The following ADGRL3 variants were observed in gnomAD, a reference collection of about 807,000 sequenced individuals.
ADGRL3 encodes the protein adhesion G protein-coupled receptor L3.
In ADGRL3, 62 loss-of-function variants were observed where a neutral mutation model predicts 153.5. That is an observed-to-expected ratio of 0.40 (90% CI 0.33 to 0.50). The LOEUF is 0.50. Among genes scored for constraint, ADGRL3 ranks in the 20% least tolerant of loss-of-function variants. ADGRL3 has a pLI of 0.47. For synonymous variants in ADGRL3, 710 were observed against 672.5 expected, an observed-to-expected ratio of 1.06 and a Z score of -0.86; for missense variants, 1,641 against 1,859.4, an observed-to-expected ratio of 0.88 and a Z score of 2.16.
chr4:61,273,492 C>A (rs2093306055), intron 1 of ADGRL3, among the ~76,000 whole-genome samples: 1 of 152,282 alleles, frequency 6.6e-6, no homozygotes, highest in Admixed American at 6.5e-5. Context: ...GAAAAATATG[C>A]TTGCATGGAA....
intron 8 of ADGRL3, among the ~76,000 whole-genome samples, chr4:61,734,804 C>T (rs1045846545): frequency 4.6e-5 from 7 of 152,110 alleles, no homozygotes; most frequent in African/African-American, 1.4e-4. Context: ...TTATTTTTGC[C>T]GTTCAGCTGT....
intron 13 of ADGRL3, among the ~76,000 whole-genome samples, chr4:61,934,154 T>G (rs2098828870): frequency 6.6e-6 from 1 of 152,196 alleles, no homozygotes; most frequent in Non-Finnish European, 1.5e-5. Context: ...GTGTACCTAC[T>G]GCTGATTTTT....
chr4:61,492,863 A>G (rs1355824430), intron 2 of ADGRL3, among the ~76,000 whole-genome samples: 1 of 152,150 alleles, frequency 6.6e-6, no homozygotes, highest in Non-Finnish European at 1.5e-5. Flanking sequence ...ACTCATGTCA[A>G]ATAACACAAC....
At chr4:61,898,314 C>A (rs2098643368) in intron 11 of ADGRL3, among the ~76,000 whole-genome samples, 2 of 152,074 alleles carry the variant, frequency 1.3e-5, no homozygotes, top group Admixed American at 6.5e-5. Context: ...GCATTGTTGT[C>A]TAAGGTAAAT....
intron 8 of ADGRL3, among the ~76,000 whole-genome samples, chr4:61,807,578 G>A (rs188665581): frequency 1.3e-5 from 2 of 152,110 alleles, no homozygotes; most frequent in East Asian, 3.9e-4. Flanking sequence ...TCAACACTGG[G>A]ACCAAGTGAT....
intron 2 of ADGRL3, among the ~76,000 whole-genome samples, chr4:61,388,200 G>A (rs1269188399): frequency 6.6e-6 from 1 of 152,136 alleles, no homozygotes; most frequent in East Asian, 1.9e-4. Flanking sequence ...CCTTGGGCAT[G>A]GTATCTATCC....
chr4:61,353,779 A>G (rs1255999149), intron 1 of ADGRL3, among the ~76,000 whole-genome samples: 3 of 146,130 alleles, frequency 2.1e-5, no homozygotes, highest in Non-Finnish European at 4.5e-5. Context: ...GCTTCTACTC[A>G]CCCCGAAATA....
chr4:61,868,107 GAT>G (rs528244197), intron 9 of ADGRL3, among the ~76,000 whole-genome samples: 1 of 151,982 alleles, frequency 6.6e-6, no homozygotes, highest in Non-Finnish European at 1.5e-5. Context: ...TTCTTGTGGA[GAT>G]ATATATATGT....
intron 1 of ADGRL3, among the ~76,000 whole-genome samples, chr4:61,253,076 G>A (rs576892061): frequency 1.6e-4 from 25 of 152,240 alleles, no homozygotes; most frequent in African/African-American, 6.0e-4. Context: ...CAGGAATCTG[G>A]CTGCTTTCTG....
At chr4:61,398,366 A>G (rs979644028) in intron 2 of ADGRL3, among the ~76,000 whole-genome samples, 1 of 151,760 alleles carries the variant, frequency 6.6e-6, no homozygotes, top group African/African-American at 2.4e-5. Flanking sequence ...AAATGTATTG[A>G]CAATAAATGA....
chr4:62,059,082 T>C (rs1306682285), intron 25 of ADGRL3, among the ~76,000 whole-genome samples: 1 of 152,206 alleles, frequency 6.6e-6, no homozygotes, highest in African/African-American at 2.4e-5. Flanking sequence ...ACCTAGTGAA[T>C]GTGGACTGTA....
intron 3 of ADGRL3, among the ~76,000 whole-genome samples, chr4:61,501,784 T>C (rs2098389646): frequency 6.6e-6 from 1 of 152,234 alleles, no homozygotes. Context: ...AATAGTCTGG[T>C]CCATGTTTTG....
At chr4:62,002,714 C>A (rs2099144712) in intron 21 of ADGRL3, among the ~76,000 whole-genome samples, 1 of 152,060 alleles carries the variant, frequency 6.6e-6, no homozygotes, top group Non-Finnish European at 1.5e-5. Context: ...GTCTCTGTTT[C>A]ATCCAAATAG....
At chr4:61,830,587 G>T (rs1216127757) in intron 9 of ADGRL3, among the ~76,000 whole-genome samples, 1 of 152,094 alleles carries the variant, frequency 6.6e-6, no homozygotes, top group Non-Finnish European at 1.5e-5. Context: ...TTCTAATGAG[G>T]ACCTTAGAAC....
intron 4 of ADGRL3, among the ~76,000 whole-genome samples, chr4:61,576,289 A>G (rs1474615531): frequency 6.6e-6 from 1 of 151,944 alleles, no homozygotes; most frequent in Non-Finnish European, 1.5e-5. Flanking sequence ...AGTGTCCAGC[A>G]TTATCCAGCA....
intron 8 of ADGRL3, among the ~76,000 whole-genome samples, chr4:61,768,552 T>G (rs1286016502): frequency 6.6e-6 from 1 of 152,064 alleles, no homozygotes; most frequent in Admixed American, 6.5e-5. Flanking sequence ...AAGAATTATT[T>G]AGATCTTGTA....
Position 62,070,563 on chromosome 4 carries a change from T to TGA in ADGRL3, c.4291_4292dup (p.Ser1431ArgfsTer7). ...GAAGGCGGATCCCCCAAGACCACAG[T>TGA]GAGAGCTTTTTCCCTTTGCTAACCA... On this transcript the variant is annotated frameshift_variant, in exon 27 of 27. Transcript: ENST00000683033. LOFTEE classifies it high-confidence loss of function. 6.5e-7 allele frequency: 1 copy of TGA among 1,544,660 alleles called. No homozygotes were observed. Among genetic ancestry groups the TGA allele is most frequent in the Admixed American group, 2.0e-5 (1 of 49,520 alleles).
chr4:61,815,187 G>T (rs1322397296), intron 9 of ADGRL3, among the ~76,000 whole-genome samples: 1 of 152,178 alleles, frequency 6.6e-6, no homozygotes, highest in Non-Finnish European at 1.5e-5. Context: ...AAGGAATTGT[G>T]CTGGATGCAC....
intron 1 of ADGRL3, among the ~76,000 whole-genome samples, chr4:61,374,813 A>G (rs1422401512): frequency 1.3e-5 from 2 of 151,920 alleles, no homozygotes; most frequent in African/African-American, 4.8e-5. Context: ...TTCCCAAAAC[A>G]CTTTGGCAGA....
Sources: gnomAD v4.1 joint callset for allele counts (sites outside exome capture counted in the v4.1 genomes callset) on GRCh38, gnomAD v4.1.1 for gene constraint, MANE v1.5 for transcripts, NCBI Gene and HGNC (gene_info 2026-07-23, HGNC 2026-07-21) for gene names.